EDIL3: variants seen among roughly 807,000 people sequenced by gnomAD.
The protein encoded by EDIL3 is EGF like and discoidin domains 3, also known as EGF-like repeat and discoidin I-like domain-containing protein 3.
EDIL3 carries 37 observed loss-of-function variants against 67.4 expected under a neutral mutation model. That is an observed-to-expected ratio of 0.55 (90% CI 0.42 to 0.72). EDIL3 has a LOEUF of 0.72. Among genes scored for constraint, EDIL3 ranks in the 30% least tolerant of loss-of-function variants. The probability of loss-of-function intolerance (pLI) is 0.00; values close to 1 mark genes in which losing one functional copy is unlikely to be tolerated. For synonymous variants in EDIL3, 195 were observed against 196.3 expected (o/e 0.99, Z 0.05); for missense variants, 527 against 586.3 (o/e 0.90, Z 1.04).
chr5:84,098,818 C>T (rs1245500334), intron 6 of EDIL3, among the ~76,000 whole-genome samples: 1 of 152,030 alleles, frequency 6.6e-6, no homozygotes, highest in Admixed American at 6.6e-5. Context: ...GAAAGATCTC[C>T]ATTTAATAAT....
intron 1 of EDIL3, among the ~76,000 whole-genome samples, chr5:84,333,542 TA>T (rs1746918792): frequency 1.3e-5 from 2 of 152,196 alleles, no homozygotes; most frequent in East Asian, 3.9e-4. Context: ...TCAAAAGTAA[TA>T]AATAACAGGA....
rs113482384 is a variant in EDIL3, at chr5:84,082,962, G to A, written c.652-16356C>T. On this transcript the variant is annotated intron_variant, in intron 6 of 10. Coordinates refer to ENST00000296591, the MANE Select transcript of EDIL3 (RefSeq NM_005711.5). ...TCAATATTCCGTAATCTCTTAACAC[G>A]TCCCCTGATACAAAAGATTCATTGC... is the stretch of plus-strand genomic sequence containing the variant. Among the ~76,000 whole-genome samples, 475 of 152,138 alleles carry A rather than the reference G, an allele frequency of 3.1e-3. 5 individuals carry two copies. The highest frequency in any genetic ancestry group is 0.011 in the African/African-American group (453 of 41,512).
rs531021659 is a variant in EDIL3 at position 84,048,550 on chromosome 5, G to T, written c.1137+11750C>A. On this transcript the variant is annotated intron_variant, in intron 9 of 10. Coordinates refer to ENST00000296591, the MANE Select transcript of EDIL3 (RefSeq NM_005711.5). The stretch of plus-strand genomic sequence containing the variant: ...TCTACTAATTTGGTTGAAATACTAT[G>T]CAGACTACCTTAAATTAGCAAATGT... Among the ~76,000 whole-genome samples, 5 of 152,042 alleles carry T rather than the reference G, an allele frequency of 3.3e-5. No homozygotes were observed. In the South Asian group the frequency reaches 1.0e-3, roughly 32 times the overall value.
chr5:84,190,640 T>C (rs1743566754), intron 3 of EDIL3, among the ~76,000 whole-genome samples: 1 of 150,728 alleles, frequency 6.6e-6, no homozygotes, highest in African/African-American at 2.4e-5. Context: ...TTCAGGGGCA[T>C]CAAGCAATCT....
At chr5:84,321,457 A>G (rs904485299) in intron 1 of EDIL3, among the ~76,000 whole-genome samples, 8 of 152,156 alleles carry the variant, frequency 5.3e-5, no homozygotes, top group African/African-American at 1.9e-4. Context: ...TAAACAACAA[A>G]TGCACTCTCA....
At chr5:84,137,465 G>C in intron 4 of EDIL3, 111 bp from the exon 5 acceptor site, 1 of 871,846 alleles carries the variant, frequency 1.1e-6, no homozygotes, top group Non-Finnish European at 1.8e-6. Context: ...ATTCCTTTGT[G>C]TGTGTGTAGG....
At chr5:84,194,642 T>A (rs1743663247) in intron 3 of EDIL3, among the ~76,000 whole-genome samples, 2 of 151,934 alleles carry the variant, frequency 1.3e-5, no homozygotes, top group Admixed American at 1.3e-4. Flanking sequence ...TTATAATCCA[T>A]GAATATATTA....
At chr5:84,137,164 T>A (rs528356063) in intron 5 of EDIL3, 77 bp downstream of exon 5, 1 of 998,170 alleles carries the variant, frequency 1.0e-6, no homozygotes. Context: ...TATGCATACA[T>A]ATATGTGTGT....
intron 5 of EDIL3, among the ~76,000 whole-genome samples, chr5:84,125,683 G>A (rs1747857402): frequency 1.3e-5 from 2 of 151,996 alleles, no homozygotes; most frequent in Admixed American, 1.3e-4. Flanking sequence ...CAAGTACGGA[G>A]TGATCCCCAT....
intron 2 of EDIL3, among the ~76,000 whole-genome samples, chr5:84,230,327 T>C (rs1422087477): frequency 1.3e-5 from 2 of 151,980 alleles, no homozygotes; most frequent in African/African-American, 2.4e-5. Flanking sequence ...TGGCTGATGG[T>C]CAAAAATTGT....
chr5:83,953,341 T>G (rs992025248), intron 10 of EDIL3, among the ~76,000 whole-genome samples: 4 of 151,788 alleles, frequency 2.6e-5, no homozygotes, highest in Non-Finnish European at 5.9e-5. Flanking sequence ...TAACTCTTCT[T>G]TGGGATAAGC....
intron 2 of EDIL3, among the ~76,000 whole-genome samples, chr5:84,239,300 G>T (rs888428186): frequency 1.2e-4 from 18 of 152,080 alleles, no homozygotes; most frequent in Non-Finnish European, 4.4e-5. Context: ...TAATGAGAAT[G>T]GAAACAGTAC....
chr5:84,052,202 C>T (rs1264578576), intron 9 of EDIL3, among the ~76,000 whole-genome samples: 3 of 152,072 alleles, frequency 2.0e-5, no homozygotes, highest in African/African-American at 7.2e-5. Context: ...TCATATCCAG[C>T]CAAACTAAGC....
At chr5:84,068,470 T>C (rs1264358947) in intron 6 of EDIL3, among the ~76,000 whole-genome samples, 2 of 152,198 alleles carry the variant, frequency 1.3e-5, no homozygotes, top group East Asian at 1.9e-4. Context: ...CTATAGACAC[T>C]AATTTTCTAA....
chr5:84,319,787 G>A (rs186255091), intron 1 of EDIL3, among the ~76,000 whole-genome samples: 1 of 152,136 alleles, frequency 6.6e-6, no homozygotes, highest in African/African-American at 2.4e-5. Flanking sequence ...TAAAGAAAAT[G>A]AGGTACATAT....
chr5:84,037,565 A>T (rs927204403), intron 9 of EDIL3, among the ~76,000 whole-genome samples: 1 of 152,220 alleles, frequency 6.6e-6, no homozygotes, highest in Non-Finnish European at 1.5e-5. Context: ...ATATAAACAG[A>T]TTTCAGTATA....
chr5:84,309,664 G>A (rs1373712533), intron 1 of EDIL3, among the ~76,000 whole-genome samples: 1 of 152,096 alleles, frequency 6.6e-6, no homozygotes, highest in Non-Finnish European at 1.5e-5. Flanking sequence ...CCCTACAAAG[G>A]ACATGAACTC....
chr5:84,303,841 TGTGTGTGTTTGTG>T (rs1746211247), intron 1 of EDIL3, among the ~76,000 whole-genome samples: 2 of 147,856 alleles, frequency 1.4e-5, no homozygotes, highest in African/African-American at 5.1e-5. Flanking sequence ...TGTGTGTGTG[TGTGTGTGTTTGTG>T]TGTGTGTGTG....
intron 10 of EDIL3, among the ~76,000 whole-genome samples, chr5:83,950,414 A>G (rs1744396611): frequency 6.6e-6 from 1 of 151,848 alleles, no homozygotes; most frequent in Non-Finnish European, 1.5e-5. Flanking sequence ...TGTCTGAAAC[A>G]TTGACAGTTG....
Sources: allele counts gnomAD v4.1 joint callset (sites outside exome capture counted in the v4.1 genomes callset), GRCh38; gene constraint gnomAD v4.1.1; transcripts MANE v1.5; gene names NCBI Gene and HGNC (gene_info 2026-07-23, HGNC 2026-07-21).